The following ACOT7 variants were observed in gnomAD, a reference collection of about 807,000 sequenced individuals.
The protein encoded by ACOT7 is cytosolic acyl coenzyme A thioester hydrolase.
A neutral mutation model predicts 40.2 loss-of-function variants in ACOT7; 12 were observed. The observed-to-expected ratio is 0.30, with a 90% CI of 0.19 to 0.48. ACOT7 has a LOEUF of 0.48. Among genes scored for constraint, ACOT7 ranks in the 20% least tolerant of loss-of-function variants. ACOT7 has a pLI of 0.99. For synonymous variants in ACOT7, 228 were observed against 219.5 expected (o/e 1.04, Z -0.34); for missense variants, 395 against 530.8 (o/e 0.74, Z 2.51).
At chr1:6,393,189 G>A in intron 1 of ACOT7, 68 bp downstream of exon 1, 1 of 1,216,034 alleles carries the variant, frequency 8.2e-7, no homozygotes, top group African/African-American at 1.6e-5. Flanking sequence ...ACAGAGCCAA[G>A]CGGGGCAGGC....
In ACOT7 at chr1:6,349,830, A is replaced by G. The variant is rs754648000; in HGVS notation, c.180T>C (p.Asn60=). The G allele has an allele frequency of 5.0e-6, 8 of 1,614,008 alleles. No homozygotes were observed. The highest frequency in any genetic ancestry group is 3.3e-5 in the Admixed American group (2 of 59,998). The part of the protein sequence containing the change: ...MRPDDANVAG[N]VHGGTILKMI... ...TCTTCAGGATGGTCCCCCCGTGGAC[A>G]TTGCCGGCCACGTTGGCATCATCTG... The change falls in exon 2 of 9, where the codon AAT becomes AAC. Residue 60 remains asparagine (N), a synonymous_variant. Coordinates refer to ENST00000361521, the MANE Select transcript of ACOT7 (RefSeq NM_007274.4).
Position 6,349,820 on chromosome 1 carries a change from C to A in ACOT7, c.190G>T (p.Gly64Trp). 6.2e-7 allele frequency: 1 copy of A among 1,614,128 alleles called. No individual in the cohort carries two copies. Among genetic ancestry groups the A allele is most frequent in the South Asian group, 1.1e-5 (1 of 91,080 alleles). ...TCCTCGATCATCTTCAGGATGGTCC[C>A]CCCGTGGACATTGCCGGCCACGTTG... is the stretch of plus-strand genomic sequence containing the variant. ...DANVAGNVHG[G>W]TILKMIEEAG... Residue 64 changes from glycine (G) to tryptophan (W), a missense_variant, in exon 2 of 9, where the codon GGG (glycine) becomes TGG (tryptophan). This residue lies in a region of ACOT7 where 309 missense variants were observed against 470.3 expected (regional missense o/e 0.66). Coordinates refer to ENST00000361521, the MANE Select transcript of ACOT7 (RefSeq NM_007274.4).
At chr1:6,371,955 G>A (rs1459922307) in intron 1 of ACOT7, among the ~76,000 whole-genome samples, 1 of 151,612 alleles carries the variant, frequency 6.6e-6, no homozygotes, top group Non-Finnish European at 1.5e-5. Flanking sequence ...TGTGGCAGAA[G>A]AATCTCTTGA....
chr1:6,265,796 A>G (rs1431596463), intron 8 of ACOT7, among the ~76,000 whole-genome samples: 3 of 152,236 alleles, frequency 2.0e-5, no homozygotes, highest in Non-Finnish European at 4.4e-5. Context: ...CTGAAAGCCA[A>G]AGAGATGGGG....
chr1:6,339,739 G>GTTTTTTTTTTTTTTTTTTTT (rs57275707), intron 2 of ACOT7, 150 bp from the exon 3 acceptor site: 1 of 488,146 alleles, frequency 2.0e-6, no homozygotes, highest in African/African-American at 2.3e-5. Flanking sequence ...TGGCACCGCG[G>GTTTTTTTTTTTTTTTTTTTT]TTTTTTTTTT....
At chr1:6,265,100 C>A (rs1638780316) in intron 8 of ACOT7, among the ~76,000 whole-genome samples, 1 of 152,160 alleles carries the variant, frequency 6.6e-6, no homozygotes, top group African/African-American at 2.4e-5. Context: ...TACTGGACTT[C>A]GGTGGAAAAT....
At chr1:6,344,952 G>A (rs1641380255) in intron 2 of ACOT7, among the ~76,000 whole-genome samples, 1 of 152,146 alleles carries the variant, frequency 6.6e-6, no homozygotes, top group African/African-American at 2.4e-5. Context: ...ACAGATGGCA[G>A]GAGCCGGGAC....
intron 1 of ACOT7, among the ~76,000 whole-genome samples, chr1:6,364,412 A>G (rs1009204669): frequency 3.3e-5 from 5 of 151,638 alleles, no homozygotes; most frequent in African/African-American, 7.3e-5. Context: ...GTGATGGTGC[A>G]TGCATGTAAT....
chr1:6,319,724 G>A (rs1309839363), intron 5 of ACOT7, among the ~76,000 whole-genome samples: 2 of 152,330 alleles, frequency 1.3e-5, no homozygotes, highest in Non-Finnish European at 2.9e-5. Context: ...TGAAAACAGT[G>A]TTCACTTCCA....
At chr1:6,382,379 G>C (rs541890759) in intron 1 of ACOT7, among the ~76,000 whole-genome samples, 1 of 152,114 alleles carries the variant, frequency 6.6e-6, no homozygotes, top group Non-Finnish European at 1.5e-5. Flanking sequence ...ACTCCAGCCT[G>C]GGCGACAGAG....
rs141608671 is a variant in ACOT7 at position 6,347,461 on chromosome 1, G to C, written c.261+2288C>G. The stretch of plus-strand genomic sequence containing the variant: ...CTCAGTTTCCTTATCTATGCAACTG[G>C]GATAATAAAAATAACAACAGCAGCT... On this transcript the variant is annotated intron_variant, in intron 2 of 8. Transcript: ENST00000361521. Among the ~76,000 whole-genome samples, 836 of 152,236 alleles carry C rather than the reference G, an allele frequency of 5.5e-3. 7 individuals carry two copies. Among genetic ancestry groups the C allele is most frequent in the African/African-American group, 0.019 (804 of 41,522 alleles).
At chr1:6,344,935 G>A (rs72858359) in intron 2 of ACOT7, among the ~76,000 whole-genome samples, 4,405 of 152,252 alleles carry the variant, frequency 0.029, 162 homozygotes, top group African/African-American at 0.084. Flanking sequence ...CTGTGTGTCT[G>A]ATGGGTACAG....
intron 3 of ACOT7, among the ~76,000 whole-genome samples, chr1:6,336,085 G>C (rs570653032): frequency 5.9e-5 from 9 of 152,150 alleles, no homozygotes; most frequent in Non-Finnish European, 8.8e-5. Flanking sequence ...GGTGGCTTAC[G>C]CCTGTAATCC....
chr1:6,339,564 C>T lies in ACOT7; in HGVS notation c.287G>A (p.Arg96His), dbSNP rs1641204462. Reference protein sequence around the residue: ...NGERCVAALARVERTDFLSPM... With the variant: ...NGERCVAALAHVERTDFLSPM... ...AGACAGGAAGTCGGTGCGCTCGACA[C>T]GAGCCAGGGCGGCCACACAGCGCTC... Residue 96 changes from arginine to histidine, a missense_variant, in exon 3 of 9, where the codon CGT (arginine) becomes CAT (histidine). Arg to His is a conservative substitution (Grantham distance 29). This residue lies in a region of ACOT7 where 309 missense variants were observed against 470.3 expected (regional missense o/e 0.66). Coordinates refer to ENST00000361521, the MANE Select transcript of ACOT7 (RefSeq NM_007274.4). The T allele has an allele frequency of 1.2e-6, 2 of 1,613,402 alleles. No individual in the cohort carries two copies. The highest frequency in any genetic ancestry group is 1.7e-6 in the Non-Finnish European group (2 of 1,179,978).
Position 6,294,746 on chromosome 1 carries a change from C to G in ACOT7, c.829+118G>C. 1.4e-6 allele frequency: 1 copy of G among 715,424 alleles called. No individual in the cohort carries two copies. The highest frequency in any genetic ancestry group is 2.4e-6 in the Non-Finnish European group (1 of 414,948). The allele number at this position is 715,424 out of a possible 1,614,324, so 44.3% of individuals were successfully genotyped here. A position where few individuals can be genotyped will look rare whatever the true frequency, so the allele number is the denominator to read the frequency against. Reference sequence around the variant, plus strand: ...AACCTCAGCTTCCTGTTCCCTGTGGCAGATGGGCACACACCAAGGCCCACA... The same window carrying G: ...AACCTCAGCTTCCTGTTCCCTGTGGGAGATGGGCACACACCAAGGCCCACA... On this transcript the variant is annotated intron_variant, in intron 7 of 8. Transcript: ENST00000361521. The surrounding 1 kb of genome is among the most constrained non-coding windows in gnomAD (Gnocchi z 4.6).
chr1:6,379,309 G>A (rs959888531), intron 1 of ACOT7, among the ~76,000 whole-genome samples: 4 of 151,906 alleles, frequency 2.6e-5, no homozygotes, highest in South Asian at 2.1e-4. Flanking sequence ...AGCTGTGACG[G>A]CAAGCAAGTA....
At chr1:6,372,902 A>G (rs1642158402) in intron 1 of ACOT7, among the ~76,000 whole-genome samples, 1 of 152,070 alleles carries the variant, frequency 6.6e-6, no homozygotes, top group South Asian at 2.1e-4. Context: ...TCACTGGAAC[A>G]CTAGAGGTAG....
intron 3 of ACOT7, among the ~76,000 whole-genome samples, chr1:6,336,869 A>AGGAGATGAGCGAGACAGAGGG (rs1553159822): frequency 2.0e-5 from 3 of 152,212 alleles, no homozygotes; most frequent in Non-Finnish European, 4.4e-5. Flanking sequence ...AGCACAGACG[A>AGGAGATGAGCGAGACAGAGGG]GGAGATGAGC....
At chr1:6,328,378 A>G (rs936417500) in intron 4 of ACOT7, among the ~76,000 whole-genome samples, 1 of 152,124 alleles carries the variant, frequency 6.6e-6, no homozygotes, top group Non-Finnish European at 1.5e-5. Flanking sequence ...GACTCAGCAC[A>G]GGCCGGGCAT....
Sources: gnomAD v4.1 joint callset for allele counts (sites outside exome capture counted in the v4.1 genomes callset) on GRCh38, gnomAD v4.1.1 for gene constraint, gnomAD v4.1.1 regional missense constraint, Gnocchi (gnomAD v3.1) non-coding constraint, MANE v1.5 for transcripts, NCBI Gene and HGNC (gene_info 2026-07-23, HGNC 2026-07-21) for gene names.